Variants in FRMD4A observed in about 807,000 individuals in gnomAD.
FRMD4A encodes the protein FERM domain containing 4A.
Under a neutral mutation model 129.1 loss-of-function variants are expected in FRMD4A, and 29 were observed. That is an observed-to-expected ratio of 0.22 (90% CI 0.17 to 0.31). The LOEUF is 0.31. Among genes scored for constraint, FRMD4A ranks in the 10% least tolerant of loss-of-function variants. FRMD4A has a pLI of 1.00. For synonymous variants in FRMD4A, 634 were observed against 571.6 expected (o/e 1.11, Z -1.56); for missense variants, 1,272 against 1,375.8 (o/e 0.92, Z 1.19).
chr10:14,112,042 G>A (rs942620410), intron 2 of FRMD4A, among the ~76,000 whole-genome samples: 16 of 151,606 alleles, frequency 1.1e-4, no homozygotes, highest in Admixed American at 1.1e-3. Flanking sequence ...AAGACAAACA[G>A]AATGATGAAA....
chr10:14,325,291 G>A (rs1843228103), intron 2 of FRMD4A, among the ~76,000 whole-genome samples: 1 of 152,170 alleles, frequency 6.6e-6, no homozygotes, highest in Admixed American at 6.5e-5. Flanking sequence ...CAGGTCAAAT[G>A]TAGAGAAGGA....
At chr10:13,966,749 A>G (rs2095487567) in intron 2 of FRMD4A, among the ~76,000 whole-genome samples, 1 of 152,260 alleles carries the variant, frequency 6.6e-6, no homozygotes. Context: ...AACAGAAGTC[A>G]TTATATGAAA....
chr10:14,118,976 C>A (rs937959458), intron 2 of FRMD4A, among the ~76,000 whole-genome samples: 1 of 152,188 alleles, frequency 6.6e-6, no homozygotes, highest in Non-Finnish European at 1.5e-5. Flanking sequence ...TCCTGCACAG[C>A]CAGCCAGATG....
At chr10:13,813,669 G>C (rs909538392) in intron 3 of FRMD4A, among the ~76,000 whole-genome samples, 1 of 152,184 alleles carries the variant, frequency 6.6e-6, no homozygotes, top group Non-Finnish European at 1.5e-5. Context: ...TTATCATAGA[G>C]TGTTGAATGG....
chr10:13,717,298 G>A (rs1256477124), intron 12 of FRMD4A, among the ~76,000 whole-genome samples: 1 of 152,114 alleles, frequency 6.6e-6, no homozygotes, highest in Non-Finnish European at 1.5e-5. Context: ...CCAGATTGGT[G>A]TAAAGTTATT....
At chr10:14,323,448 T>C (rs1843143231) in intron 2 of FRMD4A, among the ~76,000 whole-genome samples, 1 of 152,216 alleles carries the variant, frequency 6.6e-6, no homozygotes, top group Non-Finnish European at 1.5e-5. Flanking sequence ...ATTGTGCTTC[T>C]CCATTTATAT....
rs1473253800 is a variant in FRMD4A at position 13,685,426 on chromosome 10, C to G, written c.1117+8472G>C. 3 of 984,856 alleles carry G rather than the reference C, an allele frequency of 3.0e-6. No individual in the cohort carries two copies. In the South Asian group the frequency reaches 1.4e-4, roughly 46 times the overall value. The allele number at this position is 984,856 out of a possible 1,614,324, so 61.0% of individuals were successfully genotyped here. A position where few individuals can be genotyped will look rare whatever the true frequency, so the allele number is the denominator to read the frequency against. On this transcript the variant is annotated intron_variant, in intron 15 of 24. Transcript: ENST00000357447. ...AAATTAGCAGCATCCAGTAAAATAC[C>G]CAGCTGAAACTATGGTTTGTAAATC... is the stretch of plus-strand genomic sequence containing the variant.
At chr10:13,811,352 C>CT (rs2093442354) in intron 3 of FRMD4A, among the ~76,000 whole-genome samples, 1 of 149,220 alleles carries the variant, frequency 6.7e-6, no homozygotes, top group Non-Finnish European at 1.5e-5. Context: ...AGGCTGGTCT[C>CT]TAACTCCTGG....
chr10:14,196,252 GGCTGGGTAAGACCA>G (rs1412532058), intron 2 of FRMD4A, among the ~76,000 whole-genome samples: 1 of 152,140 alleles, frequency 6.6e-6, no homozygotes, highest in Non-Finnish European at 1.5e-5. Context: ...TGAGAGCTGA[GGCTGGGTAAGACCA>G]GCTATTCTGC....
rs150113092 is a variant in FRMD4A, at chr10:14,179,721, A to G, written c.45+150337T>C. On this transcript the variant is annotated intron_variant, in intron 2 of 24. Transcript: ENST00000357447. ...TAACATTCTTTCAAATTGTTTTTAC[A>G]TGTGTTTGCCTTTTTAAAAACCTCA... 2.4e-3 allele frequency among the ~76,000 whole-genome samples: 367 copies of G among 152,324 alleles called. 3 individuals are homozygous for G. Among genetic ancestry groups the G allele is most frequent in the African/African-American group, 8.3e-3 (346 of 41,584 alleles).
At chr10:14,318,604 C>A (rs1846843458) in intron 2 of FRMD4A, among the ~76,000 whole-genome samples, 1 of 71,176 alleles carries the variant, frequency 1.4e-5, no homozygotes, top group Non-Finnish European at 2.6e-5. Context: ...CAGCTCTTTG[C>A]TAGTATGCAA....
rs138974607 is a variant in FRMD4A, at chr10:13,730,402, C to G, written c.759+7442G>C. ...TCTTGCTTGTACCAGCACAACTGCC[C>G]GAAACCCGTGGGATACCCAGTCTGA... On this transcript the variant is annotated intron_variant, in intron 12 of 24. Coordinates refer to ENST00000357447, the MANE Select transcript of FRMD4A (RefSeq NM_018027.5). 1.5e-3 allele frequency among the ~76,000 whole-genome samples: 230 copies of G among 152,254 alleles called. 1 individual carries two copies. In the Middle Eastern group the frequency reaches 0.017, roughly 11 times the overall value.
At chr10:13,887,104 C>A (rs1366610372) in intron 2 of FRMD4A, among the ~76,000 whole-genome samples, 13 of 140,908 alleles carry the variant, frequency 9.2e-5, no homozygotes, top group Admixed American at 8.4e-4. Context: ...GTAGAGATCG[C>A]CCTTCCTAAC....
chr10:14,084,448 G>A (rs1297938333), intron 2 of FRMD4A, among the ~76,000 whole-genome samples: 3 of 152,080 alleles, frequency 2.0e-5, no homozygotes, highest in Non-Finnish European at 4.4e-5. Flanking sequence ...CACCCGGCTG[G>A]GGTTTTTAAT....
At chr10:13,771,954 A>C (rs116705753) in intron 6 of FRMD4A, among the ~76,000 whole-genome samples, 3,366 of 151,216 alleles carry the variant, frequency 0.022, 127 homozygotes, top group African/African-American at 0.075. Context: ...AAAACACACA[A>C]AAAAAACAAA....
intron 2 of FRMD4A, among the ~76,000 whole-genome samples, chr10:13,873,270 GA>G (rs35088324): frequency 7.7e-5 from 11 of 142,074 alleles, no homozygotes; most frequent in African/African-American, 2.9e-4. Context: ...AGATAAGGCT[GA>G]AAAAAAAAAA....
chr10:13,668,501 T>C (rs776695947), intron 17 of FRMD4A: 14 of 152,266 alleles, frequency 9.2e-5, no homozygotes, highest in South Asian at 2.1e-4. Context: ...GGAGCCACAG[T>C]AGAGACCAGG....
intron 2 of FRMD4A, among the ~76,000 whole-genome samples, chr10:14,080,952 C>T (rs1022188054): frequency 2.0e-5 from 3 of 151,912 alleles, no homozygotes; most frequent in African/African-American, 2.4e-5. Context: ...GTGGCTCAGA[C>T]GTTGATGGAA....
At chr10:14,232,353 T>A (rs1294549126) in intron 2 of FRMD4A, among the ~76,000 whole-genome samples, 2 of 152,238 alleles carry the variant, frequency 1.3e-5, no homozygotes, top group South Asian at 2.1e-4. Flanking sequence ...TAGTTTGAAG[T>A]TGGGTAATGT....
Sources: allele counts gnomAD v4.1 joint callset (sites outside exome capture counted in the v4.1 genomes callset), GRCh38; gene constraint gnomAD v4.1.1; transcripts MANE v1.5; gene names NCBI Gene and HGNC (gene_info 2026-07-23, HGNC 2026-07-21).